MAGI3: variants seen among roughly 807,000 people sequenced by gnomAD.
The protein encoded by MAGI3 is membrane-associated guanylate kinase, WW and PDZ domain-containing protein 3.
Under a neutral mutation model 121.8 loss-of-function variants are expected in MAGI3, and 43 were observed. That is an observed-to-expected ratio of 0.35 (90% CI 0.28 to 0.46). MAGI3 has a LOEUF of 0.46. Ranked by LOEUF, MAGI3 falls within the 20% of genes least tolerant of loss-of-function variation. The probability of loss-of-function intolerance (pLI) is 1.00; values close to 1 mark genes in which losing one functional copy is unlikely to be tolerated. For missense variants in MAGI3, 1,547 were observed against 1,797.3 expected, an observed-to-expected ratio of 0.86 and a Z score of 2.52; for synonymous variants, 553 against 639.3, an observed-to-expected ratio of 0.86 and a Z score of 2.04.
intron 9 of MAGI3, among the ~76,000 whole-genome samples, chr1:113,630,089 G>C (rs1356424902): frequency 6.6e-6 from 1 of 152,148 alleles, no homozygotes; most frequent in Non-Finnish European, 1.5e-5. Flanking sequence ...CTGGGAGCTA[G>C]GGATTGAAGT....
chr1:113,640,724 G>A (rs867159167), intron 9 of MAGI3, among the ~76,000 whole-genome samples: 6 of 151,430 alleles, frequency 4.0e-5, no homozygotes, highest in Admixed American at 6.6e-5. Context: ...AGGGCCAGTC[G>A]GGGGTTGGGG....
intron 1 of MAGI3, among the ~76,000 whole-genome samples, chr1:113,526,975 C>T (rs1658483664): frequency 2.6e-5 from 4 of 151,944 alleles, no homozygotes; most frequent in Admixed American, 1.3e-4. Context: ...CCTCATTCTC[C>T]CCATCTGTAA....
At chr1:113,592,918 A>G (rs1054876972) in intron 5 of MAGI3, among the ~76,000 whole-genome samples, 1 of 152,162 alleles carries the variant, frequency 6.6e-6, no homozygotes, top group Non-Finnish European at 1.5e-5. Flanking sequence ...AGGCTGAGGC[A>G]GGAAAATGGT....
chr1:113,629,216 G>T (rs35320278), intron 9 of MAGI3, among the ~76,000 whole-genome samples: 32,943 of 151,950 alleles, frequency 0.22, 4,468 homozygotes, highest in South Asian at 0.39. Context: ...AGACTCTGAT[G>T]CATTGTTTAG....
intron 9 of MAGI3, among the ~76,000 whole-genome samples, chr1:113,626,648 G>C (rs1454239940): frequency 6.6e-6 from 1 of 152,144 alleles, no homozygotes; most frequent in Non-Finnish European, 1.5e-5. Context: ...GGTCTGTTCA[G>C]GTTTTAGATT....
At chr1:113,464,407 C>T (rs1655176210) in intron 1 of MAGI3, among the ~76,000 whole-genome samples, 1 of 152,096 alleles carries the variant, frequency 6.6e-6, no homozygotes, top group Admixed American at 6.6e-5. Flanking sequence ...TGTTAATGAG[C>T]ACTTAGGTTG....
chr1:113,506,814 G>T (rs74111295), intron 1 of MAGI3, among the ~76,000 whole-genome samples: 2 of 152,310 alleles, frequency 1.3e-5, no homozygotes, highest in African/African-American at 4.8e-5. Flanking sequence ...TGGCACACCG[G>T]CATGAATGGC....
chr1:113,530,361 A>T (rs533668654), intron 1 of MAGI3, among the ~76,000 whole-genome samples: 2 of 152,056 alleles, frequency 1.3e-5, no homozygotes, highest in African/African-American at 2.4e-5. Context: ...AGGAACAGAA[A>T]ACCGAATGTT....
chr1:113,594,434 TCTC>T (rs773111631), intron 5 of MAGI3, 44 bp from the exon 6 acceptor site: 5 of 1,433,362 alleles, frequency 3.5e-6, no homozygotes, highest in African/African-American at 1.4e-5. Context: ...GAAATAATTT[TCTC>T]CTCCTTTATT....
intron 1 of MAGI3, among the ~76,000 whole-genome samples, chr1:113,473,153 C>G (rs1269855383): frequency 6.6e-6 from 1 of 152,146 alleles, no homozygotes; most frequent in African/African-American, 2.4e-5. Context: ...ACTCCCTCAG[C>G]TTTTGTTTTT....
chr1:113,533,392 A>G (rs376043129), intron 1 of MAGI3, among the ~76,000 whole-genome samples: 63 of 152,278 alleles, frequency 4.1e-4, no homozygotes, highest in South Asian at 2.5e-3. Context: ...TTGAGTACAC[A>G]TGGATAGAAA....
chr1:113,637,732 A>G (rs1652135688), intron 9 of MAGI3, among the ~76,000 whole-genome samples: 1 of 152,064 alleles, frequency 6.6e-6, no homozygotes, highest in Non-Finnish European at 1.5e-5. Context: ...CTCGAGGAGT[A>G]TCTTTGTGGC....
intron 1 of MAGI3, among the ~76,000 whole-genome samples, chr1:113,420,357 G>A (rs574731863): frequency 1.3e-5 from 2 of 152,280 alleles, no homozygotes; most frequent in East Asian, 1.9e-4. Flanking sequence ...ATTAGTTGCT[G>A]TATTGCTTTA....
Position 113,446,203 on chromosome 1 carries a change from G to A in MAGI3, c.316+54854G>A, listed in dbSNP as rs1299443836. 2.0e-5 allele frequency among the ~76,000 whole-genome samples: 3 copies of A among 152,112 alleles called. No individual in the cohort carries two copies. In the East Asian group the frequency reaches 5.8e-4, roughly 29 times the overall value. Reference sequence around the variant, plus strand: ...ATTAGTTTTTGTTTTTGGCCACACAGTGTCTAAAGATATAATTTTGTGACA... The same window carrying A: ...ATTAGTTTTTGTTTTTGGCCACACAATGTCTAAAGATATAATTTTGTGACA... On this transcript the variant is annotated intron_variant, in intron 1 of 20. Transcript: ENST00000307546.
rs1653589190 is a variant in MAGI3 at position 113,658,292 on chromosome 1, A to G, written c.2630-788A>G. 6.6e-6 allele frequency among the ~76,000 whole-genome samples: 1 copy of G among 152,250 alleles called. No homozygotes were observed. Among genetic ancestry groups the G allele is most frequent in the African/African-American group, 2.4e-5 (1 of 41,462 alleles). On this transcript the variant is annotated intron_variant, in intron 15 of 20. Coordinates refer to ENST00000307546, the MANE Select transcript of MAGI3 (RefSeq NM_001142782.2). The surrounding 1 kb of genome is among the most constrained non-coding windows in gnomAD (Gnocchi z 4.0). ...GCTATAATAATAGCAGAGTATCTTA[A>G]TAGTTAGTCCAGGAAGGCTCTTAGC... is the stretch of plus-strand genomic sequence containing the variant.
At chr1:113,394,071 T>C (rs1395404080) in intron 1 of MAGI3, among the ~76,000 whole-genome samples, 1 of 152,240 alleles carries the variant, frequency 6.6e-6, no homozygotes, top group East Asian at 1.9e-4. Flanking sequence ...GCACTGATTC[T>C]TCCTAGCCTT....
intron 2 of MAGI3, among the ~76,000 whole-genome samples, chr1:113,559,609 C>G (rs977370208): frequency 6.6e-6 from 1 of 151,314 alleles, no homozygotes; most frequent in Non-Finnish European, 1.5e-5. Context: ...ACTCTGTCGC[C>G]CAGGCTGAAG....
chr1:113,515,124 T>C (rs956846804), intron 1 of MAGI3, among the ~76,000 whole-genome samples: 2 of 152,112 alleles, frequency 1.3e-5, no homozygotes, highest in Non-Finnish European at 2.9e-5. Flanking sequence ...AATGTAGATA[T>C]GAGAAGGAGA....
intron 3 of MAGI3, 64 bp from the exon 4 acceptor site, chr1:113,585,323 G>A (rs1648296102): frequency 2.7e-6 from 4 of 1,471,028 alleles, no homozygotes; most frequent in Non-Finnish European, 3.8e-6. Context: ...ACATACACTA[G>A]GTCAAATTGC....
Sources: allele counts gnomAD v4.1 joint callset (sites outside exome capture counted in the v4.1 genomes callset), GRCh38; gene constraint gnomAD v4.1.1; non-coding constraint Gnocchi (gnomAD v3.1); transcripts MANE v1.5; gene names NCBI Gene and HGNC (gene_info 2026-07-23, HGNC 2026-07-21).